The following ETV1 variants were observed in gnomAD, a reference collection of about 807,000 sequenced individuals.
The protein encoded by ETV1 is ETS variant transcription factor 1, also known as ETS translocation variant 1.
Under a neutral mutation model 62.3 loss-of-function variants are expected in ETV1, and 27 were observed. The ratio of observed to expected loss-of-function variants is 0.43; its 90% CI spans 0.32 to 0.60. ETV1 has a LOEUF of 0.60. ETV1 is among the 20% of genes least tolerant of loss of function. The pLI is 0.06. For synonymous variants in ETV1, 222 were observed against 199.6 expected (o/e 1.11, Z -0.94); for missense variants, 605 against 605.8 (o/e 1.00, Z 0.01).
intron 13 of ETV1, among the ~76,000 whole-genome samples, chr7:13,897,066 C>T (rs1781921983): frequency 6.6e-6 from 1 of 151,516 alleles, no homozygotes; most frequent in Non-Finnish European, 1.5e-5. Flanking sequence ...AAGAGTAATG[C>T]TTCCCTAGAA....
chr7:13,934,810 G>T (rs749214140), intron 8 of ETV1, among the ~76,000 whole-genome samples: 1 of 152,052 alleles, frequency 6.6e-6, no homozygotes, highest in African/African-American at 2.4e-5. Flanking sequence ...GTGATGGCTC[G>T]TAGTGGGCCA....
intron 9 of ETV1, among the ~76,000 whole-genome samples, chr7:13,921,681 C>T (rs17167656): frequency 0.15 from 22,195 of 152,086 alleles, 2,236 homozygotes; most frequent in African/African-American, 0.29. Context: ...AATATTCAAC[C>T]TCCAATTTCT....
At position 13,977,448 on chromosome 7, in the gene ETV1, G is replaced by T; in HGVS notation, c.214C>A (p.Pro72Thr). The change falls in exon 6 of 14, where the codon CCA (proline) becomes ACA (threonine). Residue 72 changes from proline to threonine, a missense_variant. Physicochemically the swap from Pro to Thr is conservative, Grantham distance 38 (BLOSUM62 -1). Transcript: ENST00000430479. ...TTACAACTTTCAGCCTGATAGTCTG[G>T]TACAAACTGCTCATCATTGTCAGGT... ...QVPDNDEQFVPDYQAESLAFH... is the reference protein window; with the variant it reads ...QVPDNDEQFVTDYQAESLAFH... 1.9e-6 allele frequency: 3 copies of T among 1,547,110 alleles called. No individual in the cohort carries two copies. Among genetic ancestry groups the T allele is most frequent in the Non-Finnish European group, 2.6e-6 (3 of 1,143,662 alleles).
intron 6 of ETV1, among the ~76,000 whole-genome samples, chr7:13,955,602 T>C (rs543572352): frequency 6.6e-6 from 1 of 152,170 alleles, no homozygotes; most frequent in Non-Finnish European, 1.5e-5. Context: ...ACGGTGGCCA[T>C]GAAATACACA....
intron 13 of ETV1, among the ~76,000 whole-genome samples, chr7:13,896,743 G>GGAAAGAAAGAAAGGAAGAAA (rs1781849066): frequency 7.8e-5 from 9 of 115,302 alleles, no homozygotes; most frequent in African/African-American, 3.0e-4. Flanking sequence ...AAGAAAGAAA[G>GGAAAGAAAGAAAGGAAGAAA]GAAAGAAAGA....
chr7:13,936,249 T>G (rs1460596759), intron 7 of ETV1, among the ~76,000 whole-genome samples: 3 of 152,220 alleles, frequency 2.0e-5, no homozygotes, highest in Non-Finnish European at 2.9e-5. Flanking sequence ...AGATCTTTCC[T>G]AAATCATTAA....
intron 12 of ETV1, among the ~76,000 whole-genome samples, chr7:13,901,349 C>T (rs1782402781): frequency 1.3e-5 from 2 of 152,068 alleles, no homozygotes; most frequent in African/African-American, 4.8e-5. Context: ...TTCTAAAACA[C>T]CACAATAGAA....
At position 13,896,099 on chromosome 7, in the gene ETV1, A is replaced by G. The variant is rs759409474; in HGVS notation, c.1213-12T>C. ...CTCTCTCCAGCCACCTGATGATAAC[A>G]TGGAAGAGAAAAACCCATCCTCACC... is the stretch of plus-strand genomic sequence containing the variant. On this transcript the variant is annotated splice_polypyrimidine_tract_variant and intron_variant, in intron 13 of 13. Coordinates refer to ENST00000430479, the MANE Select transcript of ETV1 (RefSeq NM_004956.5). 1.2e-6 allele frequency: 2 copies of G among 1,605,846 alleles called. No individual in the cohort carries two copies. The highest frequency in any genetic ancestry group is 1.7e-4 in the Middle Eastern group (1 of 6,052).
At chr7:13,937,438 G>A (rs192517295) in intron 7 of ETV1, among the ~76,000 whole-genome samples, 2 of 151,886 alleles carry the variant, frequency 1.3e-5, no homozygotes, top group Non-Finnish European at 1.5e-5. Context: ...GGAAGTACCA[G>A]AATTTATTGC....
At chr7:13,970,424 A>G (rs1171461439) in intron 6 of ETV1, among the ~76,000 whole-genome samples, 1 of 152,180 alleles carries the variant, frequency 6.6e-6, no homozygotes, top group African/African-American at 2.4e-5. Context: ...GCGAGAAGGT[A>G]TGCAACTAGT....
chr7:13,949,558 C>G (rs1430694369), intron 6 of ETV1, among the ~76,000 whole-genome samples: 1 of 152,102 alleles, frequency 6.6e-6, no homozygotes, highest in East Asian at 1.9e-4. Context: ...CCCTCCCCAC[C>G]CCCACTGTGT....
chr7:13,907,571 T>G lies in ETV1; in HGVS notation c.941-972A>C, dbSNP rs2128415539. ...AAAAAAAAATACAAAGTTTCATGAC[T>G]TCTGATTATTTACTTCCATCTCCAG... is the stretch of plus-strand genomic sequence containing the variant. On this transcript the variant is annotated intron_variant, in intron 11 of 13. Coordinates refer to ENST00000430479, the MANE Select transcript of ETV1 (RefSeq NM_004956.5). Among the ~76,000 whole-genome samples the G allele has an allele frequency of 2.0e-5, 3 of 152,270 alleles. No homozygotes were observed. In the South Asian group the frequency reaches 6.2e-4, roughly 32 times the overall value.
At chr7:13,939,640 T>C (rs899519154) in intron 6 of ETV1, among the ~76,000 whole-genome samples, 1 of 152,194 alleles carries the variant, frequency 6.6e-6, no homozygotes. Flanking sequence ...AAATATAATT[T>C]TAAGCATTAT....
chr7:13,897,846 T>G lies in ETV1; in HGVS notation c.1213-1759A>C, dbSNP rs180904213. On this transcript the variant is annotated intron_variant, in intron 13 of 13. Transcript: ENST00000430479. The stretch of plus-strand genomic sequence containing the variant: ...AAAAAATAAAATAAAATAAATGGCC[T>G]GCATACCTCTGAGTGTTTTATAATG... Among the ~76,000 whole-genome samples the G allele has an allele frequency of 6.6e-5, 10 of 152,332 alleles. No homozygotes were observed. In the East Asian group the frequency reaches 1.7e-3, roughly 26 times the overall value.
chr7:13,952,845 T>C (rs1404978091), intron 6 of ETV1, among the ~76,000 whole-genome samples: 1 of 152,176 alleles, frequency 6.6e-6, no homozygotes, highest in Non-Finnish European at 1.5e-5. Flanking sequence ...ACAGAATATG[T>C]TGATTCATTC....
At chr7:13,899,156 T>C (rs1315262177) in intron 13 of ETV1, among the ~76,000 whole-genome samples, 3 of 152,158 alleles carry the variant, frequency 2.0e-5, no homozygotes, top group Non-Finnish European at 4.4e-5. Flanking sequence ...GAGCACCATC[T>C]GTGACAGCCC....
chr7:13,919,243 G>T (rs559847217), intron 9 of ETV1, among the ~76,000 whole-genome samples: 1 of 152,156 alleles, frequency 6.6e-6, no homozygotes, highest in South Asian at 2.1e-4. Flanking sequence ...TACAAAACAT[G>T]CTCAATATGA....
chr7:13,975,029 T>C (rs1442161660), intron 6 of ETV1: 1 of 152,366 alleles, frequency 6.6e-6, no homozygotes, highest in Non-Finnish European at 1.5e-5. Flanking sequence ...GTGGAAGACA[T>C]CGCTGTTCAA....
chr7:13,989,329 C>T lies in ETV1; in HGVS notation c.-149G>A. The T allele has an allele frequency of 2.0e-6, 1 of 502,288 alleles. No individual in the cohort carries two copies. The allele number at this position is 502,288 out of a possible 1,614,324, so 31.1% of individuals were successfully genotyped here. On this transcript the variant is annotated 5_prime_UTR_variant, in exon 2 of 14. Transcript: ENST00000430479. ...CATATTTTCGGTAGTAGCAAAAATC[C>T]GAACAAGAGGCGATGTATTTATTTA... is the stretch of plus-strand genomic sequence containing the variant.
Sources: gnomAD v4.1 joint callset for allele counts (sites outside exome capture counted in the v4.1 genomes callset) on GRCh38, gnomAD v4.1.1 for gene constraint, MANE v1.5 for transcripts, NCBI Gene and HGNC (gene_info 2026-07-23, HGNC 2026-07-21) for gene names.